The following MROH1 variants were observed in gnomAD, a reference collection of about 807,000 sequenced individuals.
MROH1 encodes the protein maestro heat-like repeat-containing protein family member 1.
A neutral mutation model predicts 116.5 loss-of-function variants in MROH1; 117 were observed. That is an observed-to-expected ratio of 1.00 (90% CI 0.86 to 1.17). The LOEUF is 1.17. MROH1 is among the 50% of genes most tolerant of loss of function. MROH1 has a pLI of 0.00. For synonymous variants in MROH1, 921 were observed against 583.9 expected, an observed-to-expected ratio of 1.58 and a Z score of -8.32; for missense variants, 1,873 against 1,338.5, an observed-to-expected ratio of 1.40 and a Z score of -6.23.
chr8:144,233,763 C>T (rs1489837170), intron 14 of MROH1, among the ~76,000 whole-genome samples: 3 of 152,184 alleles, frequency 2.0e-5, no homozygotes, highest in Admixed American at 1.3e-4. Flanking sequence ...CGGGGTGCTG[C>T]CACCTTCTGG....
chr8:144,229,070 A>G (rs981756287), intron 14 of MROH1, among the ~76,000 whole-genome samples: 18 of 152,180 alleles, frequency 1.2e-4, no homozygotes, highest in African/African-American at 4.3e-4. Flanking sequence ...CGGTTTGATC[A>G]TGAGATCGCA....
intron 14 of MROH1, among the ~76,000 whole-genome samples, chr8:144,236,951 G>T (rs1367533838): frequency 8.4e-6 from 1 of 119,616 alleles, no homozygotes; most frequent in African/African-American, 3.2e-5. Context: ...TGTCGCCCAG[G>T]CTGGAGTGCA....
intron 43 of MROH1, 139 bp downstream of exon 43, chr8:144,261,488 C>T: frequency 1.4e-6 from 1 of 693,306 alleles, no homozygotes; most frequent in Admixed American, 2.0e-5. Context: ...TTCACGGAAA[C>T]TTCTTAACTG....
intron 7 of MROH1, among the ~76,000 whole-genome samples, chr8:144,190,561 CA>C (rs1018183664): frequency 6.6e-6 from 1 of 151,998 alleles, no homozygotes. Flanking sequence ...GACTCTGTCT[CA>C]AAAAAAGTCA....
chr8:144,252,789 TCTA>T (rs1384965105), intron 33 of MROH1: 3 of 150,784 alleles, frequency 2.0e-5, no homozygotes, highest in African/African-American at 4.9e-5. Context: ...AAACTTCATC[TCTA>T]CTAAAAATAC....
intron 12 of MROH1, chr8:144,214,093 A>C (rs528102689): frequency 2.0e-5 from 3 of 152,286 alleles, no homozygotes; most frequent in African/African-American, 7.2e-5. Flanking sequence ...TTCTGCTCCC[A>C]CCAGCAACCT....
intron 12 of MROH1, among the ~76,000 whole-genome samples, chr8:144,203,834 G>C (rs1021032064): frequency 1.3e-5 from 2 of 152,184 alleles, no homozygotes; most frequent in African/African-American, 4.8e-5. Flanking sequence ...GCTCTTGTTA[G>C]AGATGGGTTT....
chr8:144,260,534 A>AGCCCCCACCCGTAAG (rs1223426514), intron 39 of MROH1, 143 bp from the exon 40 acceptor site: 11 of 739,760 alleles, frequency 1.5e-5, no homozygotes, highest in Admixed American at 3.6e-5. Context: ...TGGGCCTGGC[A>AGCCCCCACCCGTAAG]GCCCCCACCC....
At chr8:144,219,925 G>A (rs1219548073) in intron 12 of MROH1, among the ~76,000 whole-genome samples, 2 of 152,148 alleles carry the variant, frequency 1.3e-5, no homozygotes, top group Non-Finnish European at 2.9e-5. Context: ...CAGTCCCTGG[G>A]GCCTCCAGTT....
intron 11 of MROH1, 130 bp from the exon 12 acceptor site, chr8:144,200,298 T>C: frequency 1.4e-6 from 1 of 695,062 alleles, no homozygotes; most frequent in Non-Finnish European, 2.3e-6. Context: ...AGCGATTAGG[T>C]GACCCCAGCT....
rs777115387 is a variant in MROH1, at chr8:144,192,511, G to A, written c.948+110G>A. On this transcript the variant is annotated intron_variant, in intron 10 of 43. Transcript: ENST00000326134. ...TTGGGGTGGATGGCTCAGCCACGTG[G>A]GGCTGAGGACTGGGCATTCCCTGAA... The A allele has an allele frequency of 5.6e-6, 5 of 896,078 alleles. No homozygotes were observed. In the South Asian group the frequency reaches 5.6e-5, roughly 10 times the overall value. 55.5% of individuals were successfully genotyped at this position (896,078 alleles called of 1,614,324 possible). A position where few individuals can be genotyped will look rare whatever the true frequency, so the allele number is the denominator to read the frequency against.
intron 1 of MROH1, among the ~76,000 whole-genome samples, chr8:144,159,283 G>A (rs926145345): frequency 2.0e-5 from 3 of 152,120 alleles, no homozygotes; most frequent in Non-Finnish European, 2.9e-5. Flanking sequence ...ACTTAAACCC[G>A]GAAGGCGGAG....
At position 144,180,782 on chromosome 8, in the gene MROH1, C is replaced by CT. The variant is rs1825421331; in HGVS notation, c.562+260dup. ...TGGGTCCACTGAGGGCTGGACGTGC[C>CT]TGGGGGGTAGGAAGAGACTTCCTCG... On this transcript the variant is annotated intron_variant, in intron 7 of 43. Transcript: ENST00000326134. This position sits in a 1 kb window ranked among gnomAD's most constrained non-coding sequence, Gnocchi z 7.4. Among the ~76,000 whole-genome samples, 1 of 152,130 alleles carries CT rather than the reference C, an allele frequency of 6.6e-6. No individual in the cohort carries two copies. Among genetic ancestry groups the CT allele is most frequent in the African/African-American group, 2.4e-5 (1 of 41,432 alleles).
chr8:144,171,639 C>T (rs1822480073), intron 4 of MROH1, among the ~76,000 whole-genome samples: 2 of 152,210 alleles, frequency 1.3e-5, no homozygotes, highest in South Asian at 4.1e-4. Flanking sequence ...CTGTCACCAG[C>T]CTTAGGTGTT....
At chr8:144,152,646 A>T (rs920465428) in intron 1 of MROH1, among the ~76,000 whole-genome samples, 1 of 151,910 alleles carries the variant, frequency 6.6e-6, no homozygotes, top group African/African-American at 2.4e-5. Flanking sequence ...TCCTGGGTTC[A>T]TGCCATTCTC....
intron 26 of MROH1, 38 bp downstream of exon 26, chr8:144,243,980 C>G (rs945309821): frequency 1.4e-5 from 11 of 770,456 alleles, no homozygotes; most frequent in Non-Finnish European, 2.4e-5. Flanking sequence ...CGTGCAGCTG[C>G]GTGTGTGCGT....
chr8:144,181,238 CG>C (rs568545670), intron 7 of MROH1, among the ~76,000 whole-genome samples: 12 of 126,060 alleles, frequency 9.5e-5, no homozygotes, highest in African/African-American at 1.4e-4. Context: ...CCTCTGGGGC[CG>C]GGGGCCGTTA....
rs756075833 is a variant in MROH1 at position 144,163,819 on chromosome 8, CCA to C, written c.-5_-4del. On this transcript the variant is annotated 5_prime_UTR_variant, in exon 3 of 44. Transcript: ENST00000326134. This position sits in a 1 kb window ranked among gnomAD's most constrained non-coding sequence, Gnocchi z 4.4. Reference sequence around the variant, plus strand: ...TCACACTGGGTGAAGGAAGCTGAAACCACAGACATGACTGAGTCCTCCATGAA... The same window carrying C: ...TCACACTGGGTGAAGGAAGCTGAAACCAGACATGACTGAGTCCTCCATGAA... 1 of 1,613,586 alleles carries C rather than the reference CCA, an allele frequency of 6.2e-7. No individual in the cohort carries two copies. The highest frequency in any genetic ancestry group is 1.7e-5 in the Admixed American group (1 of 59,994).
intron 38 of MROH1, 49 bp downstream of exon 38, chr8:144,260,106 G>T: frequency 1.3e-6 from 1 of 743,130 alleles, no homozygotes; most frequent in South Asian, 1.4e-5. Context: ...TGGGTGGGGG[G>T]CTGTGCATGG....
Sources: allele counts gnomAD v4.1 joint callset (sites outside exome capture counted in the v4.1 genomes callset), GRCh38; gene constraint gnomAD v4.1.1; non-coding constraint Gnocchi (gnomAD v3.1); transcripts MANE v1.5; gene names NCBI Gene and HGNC (gene_info 2026-07-23, HGNC 2026-07-21).